Variants in SGCZ observed in about 807,000 individuals in gnomAD.
SGCZ encodes sarcoglycan zeta.
SGCZ carries 40 observed loss-of-function variants against 41.3 expected under a neutral mutation model. That is an observed-to-expected ratio of 0.97 (90% CI 0.75 to 1.26). SGCZ has a LOEUF of 1.26. Ranked by LOEUF, SGCZ falls within the 50% of genes most tolerant of loss-of-function variation. The probability of loss-of-function intolerance (pLI) is 0.00; values close to 1 mark genes in which losing one functional copy is unlikely to be tolerated. For missense variants in SGCZ, 552 were observed against 369.8 expected (o/e 1.49, Z -4.04); for synonymous variants, 206 against 137.5 (o/e 1.50, Z -3.49).
intron 1 of SGCZ, among the ~76,000 whole-genome samples, chr8:14,705,699 T>C (rs1399757578): frequency 2.6e-5 from 4 of 152,022 alleles, no homozygotes; most frequent in Non-Finnish European, 4.4e-5. Context: ...CTTGCACTGA[T>C]TACATGAAAT....
chr8:15,056,364 T>C (rs1413076205), intron 1 of SGCZ, among the ~76,000 whole-genome samples: 2 of 152,222 alleles, frequency 1.3e-5, no homozygotes, highest in African/African-American at 2.4e-5. Flanking sequence ...AATAATGATA[T>C]CTTTTCTCTT....
At chr8:14,621,688 C>T (rs369940217) in intron 1 of SGCZ, among the ~76,000 whole-genome samples, 1 of 151,044 alleles carries the variant, frequency 6.6e-6, no homozygotes, top group African/African-American at 2.4e-5. Flanking sequence ...AAGTGCTACA[C>T]TTTTACACCA....
chr8:14,904,833 T>C (rs1799076097), intron 1 of SGCZ, among the ~76,000 whole-genome samples: 1 of 152,010 alleles, frequency 6.6e-6, no homozygotes, highest in South Asian at 2.1e-4. Context: ...AGATTTTCTC[T>C]ATAATCTTAT....
intron 2 of SGCZ, among the ~76,000 whole-genome samples, chr8:14,452,917 A>G (rs1198658517): frequency 6.6e-6 from 1 of 152,076 alleles, no homozygotes; most frequent in Non-Finnish European, 1.5e-5. Context: ...AGCTTCGTCA[A>G]CATGGTGAAA....
intron 2 of SGCZ, among the ~76,000 whole-genome samples, chr8:14,484,687 C>A (rs1801625812): frequency 6.6e-6 from 1 of 152,022 alleles, no homozygotes; most frequent in South Asian, 2.1e-4. Context: ...TATATTTAAG[C>A]AAAAGAATTA....
intron 1 of SGCZ, among the ~76,000 whole-genome samples, chr8:15,006,884 G>C (rs1229747442): frequency 2.0e-5 from 3 of 152,140 alleles, no homozygotes; most frequent in African/African-American, 4.8e-5. Context: ...TTGTAACCCA[G>C]AGAAAGCTAG....
chr8:14,572,827 A>T (rs1429131617), intron 1 of SGCZ, among the ~76,000 whole-genome samples: 1 of 152,106 alleles, frequency 6.6e-6, no homozygotes, highest in Non-Finnish European at 1.5e-5. Flanking sequence ...ATGAATAGAA[A>T]CCAGATTTTT....
intron 4 of SGCZ, among the ~76,000 whole-genome samples, chr8:14,190,010 C>CT (rs1397799185): frequency 0.045 from 3,091 of 68,040 alleles, 111 homozygotes; most frequent in African/African-American, 0.15. Flanking sequence ...TTCTTTCTTT[C>CT]TTTCTTTTTT....
intron 4 of SGCZ, among the ~76,000 whole-genome samples, chr8:14,219,539 G>T (rs555603561): frequency 6.6e-6 from 1 of 152,284 alleles, no homozygotes. Flanking sequence ...ACAAGGTCAG[G>T]AGTTCGAGAC....
intron 2 of SGCZ, among the ~76,000 whole-genome samples, chr8:14,356,103 A>G (rs1488542118): frequency 6.6e-6 from 1 of 152,200 alleles, no homozygotes; most frequent in Non-Finnish European, 1.5e-5. Flanking sequence ...CACAAACACC[A>G]GAGTGGACAA....
At chr8:14,099,767 G>A (rs149974008) in intron 7 of SGCZ, among the ~76,000 whole-genome samples, 29 of 152,184 alleles carry the variant, frequency 1.9e-4, no homozygotes, top group African/African-American at 7.0e-4. Flanking sequence ...TGATCTTGTG[G>A]TATATATGCT....
intron 5 of SGCZ, among the ~76,000 whole-genome samples, chr8:14,163,677 G>A (rs915487622): frequency 1.3e-5 from 2 of 152,084 alleles, no homozygotes; most frequent in African/African-American, 4.8e-5. Context: ...TGAATATATG[G>A]AGAGGCAGAG....
At chr8:14,419,513 AG>A (rs1165112444) in intron 2 of SGCZ, among the ~76,000 whole-genome samples, 1 of 151,872 alleles carries the variant, frequency 6.6e-6, no homozygotes, top group Non-Finnish European at 1.5e-5. Flanking sequence ...TTTTTTACTA[AG>A]CCATTTCATC....
chr8:14,860,048 C>T (rs147830349), intron 1 of SGCZ, among the ~76,000 whole-genome samples: 3,574 of 151,998 alleles, frequency 0.024, 52 homozygotes, highest in Middle Eastern at 0.048. Context: ...TCAGCGTTCC[C>T]AATCCTTTAG....
rs1181016749 is a variant in SGCZ at position 14,385,461 on chromosome 8, T to C, written c.235-61257A>G. ...TATAATGATGCCCTCACTGGCCACT[T>C]AGTCTACCAGGTGGTTGTGCTATGG... On this transcript the variant is annotated intron_variant, in intron 2 of 7. Transcript: ENST00000382080. 2.6e-5 allele frequency among the ~76,000 whole-genome samples: 4 copies of C among 152,194 alleles called. No individual in the cohort carries two copies. In the East Asian group the frequency reaches 7.7e-4, roughly 29 times the overall value.
At chr8:14,556,842 C>A (rs1804048938) in intron 1 of SGCZ, among the ~76,000 whole-genome samples, 1 of 152,008 alleles carries the variant, frequency 6.6e-6, no homozygotes, top group African/African-American at 2.4e-5. Context: ...GACTGATGGG[C>A]ATTTGGGCTG....
At chr8:14,338,150 T>C (rs1802565446) in intron 2 of SGCZ, among the ~76,000 whole-genome samples, 1 of 152,192 alleles carries the variant, frequency 6.6e-6, no homozygotes, top group Non-Finnish European at 1.5e-5. Flanking sequence ...CCAGAAGCTA[T>C]TGACCTTCTT....
intron 1 of SGCZ, among the ~76,000 whole-genome samples, chr8:14,565,635 G>C (rs1804336025): frequency 6.6e-6 from 1 of 152,096 alleles, no homozygotes; most frequent in African/African-American, 2.4e-5. Flanking sequence ...CGCAGCAGGA[G>C]AGCTTAACTG....
intron 1 of SGCZ, among the ~76,000 whole-genome samples, chr8:14,875,664 T>G (rs888781709): frequency 1.6e-4 from 24 of 152,274 alleles, no homozygotes; most frequent in African/African-American, 5.5e-4. Context: ...TCTCTGAGAT[T>G]CCTTCCAGGT....
Sources: gnomAD v4.1 joint callset for allele counts (sites outside exome capture counted in the v4.1 genomes callset) on GRCh38, gnomAD v4.1.1 for gene constraint, MANE v1.5 for transcripts, NCBI Gene and HGNC (gene_info 2026-07-23, HGNC 2026-07-21) for gene names.